SYNGR2: variants seen among roughly 807,000 people sequenced by gnomAD.
The protein encoded by SYNGR2 is synaptogyrin-2.
In SYNGR2, 11 loss-of-function variants were observed where a neutral mutation model predicts 18.7. That is an observed-to-expected ratio of 0.59 (90% confidence interval 0.37 to 0.97). The LOEUF (loss-of-function observed/expected upper bound fraction) is 0.97, where lower values mean the gene tolerates loss of function less well. Among genes scored for constraint, SYNGR2 ranks in the 50% least tolerant of loss-of-function variants. SYNGR2 has a pLI of 0.01. For missense variants in SYNGR2, 253 were observed against 300.7 expected (o/e 0.84, Z 1.17); for synonymous variants, 127 against 131.0 (o/e 0.97, Z 0.21).
rs925127750 is a variant in SYNGR2, at chr17:78,171,270, G to A, written c.337+216G>A. 1.5e-5 allele frequency: 10 copies of A among 661,344 alleles called. No individual in the cohort carries two copies. The highest frequency in any genetic ancestry group is 3.6e-5 in the African/African-American group (2 of 54,970). The allele number at this position is 661,344 out of a possible 1,614,324, so 41.0% of individuals were successfully genotyped here. On this transcript the variant is annotated intron_variant, in intron 2 of 3. Coordinates refer to ENST00000225777, the MANE Select transcript of SYNGR2 (RefSeq NM_004710.7). This position sits in a 1 kb window ranked among gnomAD's most constrained non-coding sequence, Gnocchi z 6.6. ...AGCTGAGTGGACCTGCAGCACACCCGAGCAGATGGGCTTTGCCTCTGCCCC... is the reference window on the plus strand; with the variant it reads ...AGCTGAGTGGACCTGCAGCACACCCAAGCAGATGGGCTTTGCCTCTGCCCC...
In SYNGR2 at chr17:78,172,031, A is replaced by C. The variant is rs554226805; in HGVS notation, c.*95A>C. On this transcript the variant is annotated 3_prime_UTR_variant, in exon 4 of 4. Coordinates refer to ENST00000225777, the MANE Select transcript of SYNGR2 (RefSeq NM_004710.7). ...CTGGAACTGCCAGCCCCTCTCTTTC[A>C]CCTGTTCCATCCTGTGCAGCTGACA... The C allele has an allele frequency of 3.2e-6, 5 of 1,583,628 alleles. No individual in the cohort carries two copies. The African/African-American group carries it at 6.7e-5, about 21-fold the overall frequency.
rs1185023903 is a variant in SYNGR2, at chr17:78,171,196, A to C, written c.337+142A>C. 3 of 852,326 alleles carry C rather than the reference A, an allele frequency of 3.5e-6. No homozygotes were observed. Among genetic ancestry groups the C allele is most frequent in the Admixed American group, 5.2e-5 (2 of 38,784 alleles). 52.8% of individuals were successfully genotyped at this position (852,326 alleles called of 1,614,324 possible). On this transcript the variant is annotated intron_variant, in intron 2 of 3. Transcript: ENST00000225777. The surrounding 1 kb of genome is among the most constrained non-coding windows in gnomAD (Gnocchi z 6.6). ...CATTTTTAGGAAAGGGTTTTCAGCT[A>C]GTGTTTTTCCGTGCTTGAATGGCAC...
chr17:78,171,427 C>T lies in SYNGR2; in HGVS notation c.338-83C>T, dbSNP rs1015084935. On this transcript the variant is annotated intron_variant, in intron 2 of 3. Transcript: ENST00000225777. This position sits in a 1 kb window ranked among gnomAD's most constrained non-coding sequence, Gnocchi z 6.6. ...TGGAGGCTCCCCCGGGAGGTCCCTG[C>T]CCTACCTGCCCGCGTCCCCTCCCAG... The T allele has an allele frequency of 8.1e-6, 12 of 1,484,176 alleles. No homozygotes were observed. In the African/African-American group the frequency reaches 1.7e-4, roughly 21 times the overall value. 91.9% of individuals were successfully genotyped at this position (1,484,176 alleles called of 1,614,324 possible).
rs749028927 is a variant in SYNGR2 at position 78,168,669 on chromosome 17, G to T, written c.53G>T (p.Arg18Leu). The change falls in exon 1 of 4, where the codon CGG (arginine) becomes CTG (leucine). Residue 18 changes from arginine to leucine, a missense_variant. Coordinates refer to ENST00000225777, the MANE Select transcript of SYNGR2 (RefSeq NM_004710.7). ...AAGGCGGGCGGCTCCTTCGACCTGC[G>T]GCGCTTCCTGACGCAGCCGCAGGTG... Reference protein sequence around the residue: ...AAKAGGSFDLRRFLTQPQVVA... With the variant: ...AAKAGGSFDLLRFLTQPQVVA... The T allele has an allele frequency of 2.5e-5, 30 of 1,204,576 alleles. No homozygotes were observed. Among genetic ancestry groups the T allele is most frequent in the Non-Finnish European group, 2.7e-5 (26 of 970,408 alleles). The allele number at this position is 1,204,576 out of a possible 1,614,324, so 74.6% of individuals were successfully genotyped here. A position where few individuals can be genotyped will look rare whatever the true frequency, so the allele number is the denominator to read the frequency against.
chr17:78,168,764 G>C, intron 1 of SYNGR2, 49 bp downstream of exon 1: 3 of 1,181,504 alleles, frequency 2.5e-6, no homozygotes, highest in South Asian at 4.3e-5. Context: ...CCCCCTCTCC[G>C]TCGCCAGGCC....
Position 78,171,925 on chromosome 17 carries a change from C to G in SYNGR2, c.664C>G (p.Pro222Ala), listed in dbSNP as rs1460167154. 6.2e-7 allele frequency: 1 copy of G among 1,613,510 alleles called. No homozygotes were observed. Among genetic ancestry groups the G allele is most frequent in the Non-Finnish European group, 8.5e-7 (1 of 1,180,016 alleles). The part of the protein sequence containing the change: ...AETTEGYQPP[P>A]VY ...GACCACCGAGGGCTACCAGCCGCCC[C>G]CTGTGTACTGAGCGGCGGTTAGCGT... Residue 222 changes from proline (P) to alanine (A), a missense_variant, in exon 4 of 4, where the codon CCT (proline) becomes GCT (alanine). Physicochemically the swap from Pro to Ala is conservative, Grantham distance 27 (BLOSUM62 -1). Transcript: ENST00000225777. This position sits in a 1 kb window ranked among gnomAD's most constrained non-coding sequence, Gnocchi z 6.6.
Position 78,171,379 on chromosome 17 carries a change from T to C in SYNGR2, c.338-131T>C. 1 of 1,206,216 alleles carries C rather than the reference T, an allele frequency of 8.3e-7. No homozygotes were observed. Among genetic ancestry groups the C allele is most frequent in the Non-Finnish European group, 1.1e-6 (1 of 879,040 alleles). The allele number at this position is 1,206,216 out of a possible 1,614,324, so 74.7% of individuals were successfully genotyped here. On this transcript the variant is annotated intron_variant, in intron 2 of 3. Transcript: ENST00000225777. The surrounding 1 kb of genome is among the most constrained non-coding windows in gnomAD (Gnocchi z 6.6). The stretch of plus-strand genomic sequence containing the variant: ...TTTGGAGGTGGCTCCCGGCCCGGCT[T>C]CCAAGTCCTCCCCTCCATAGTGTGG...
chr17:78,168,596 G>C lies in SYNGR2; in HGVS notation c.-21G>C. 5 of 1,183,122 alleles carry C rather than the reference G, an allele frequency of 4.2e-6. No homozygotes were observed. The highest frequency in any genetic ancestry group is 4.2e-5 in the South Asian group (1 of 23,740). The allele number at this position is 1,183,122 out of a possible 1,614,324, so 73.3% of individuals were successfully genotyped here. ...AGGTTCCTCTGCGTTCCGCGGCGGC[G>C]GCAGCGGCGGCGACGGCGACATGGA... On this transcript the variant is annotated 5_prime_UTR_variant, in exon 1 of 4. Transcript: ENST00000225777.
rs1297326125 is a variant in SYNGR2, at chr17:78,171,561, G to A, written c.389G>A (p.Trp130Ter). 6.5e-7 allele frequency: 1 copy of A among 1,538,074 alleles called. No homozygotes were observed. The highest frequency in any genetic ancestry group is 2.0e-5 in the Admixed American group (1 of 49,488). ...GGTTTCTGCTTCCTCACCAACCAGT[G>A]GGCAGTCACCAACCCGAAGGACGTG... ...FVGFCFLTNQWAVTNPKDVLV... is the reference protein window; with the variant it reads ...FVGFCFLTNQ The change falls in exon 3 of 4, where the codon TGG becomes TAG. Residue 130 changes from tryptophan to a stop codon, truncating the protein, a stop_gained. Coordinates refer to ENST00000225777, the MANE Select transcript of SYNGR2 (RefSeq NM_004710.7). LOFTEE classifies it high-confidence loss of function. This position sits in a 1 kb window ranked among gnomAD's most constrained non-coding sequence, Gnocchi z 6.6.
rs1598960343 is a variant in SYNGR2, at chr17:78,171,396, A to G, written c.338-114A>G. 9.0e-6 allele frequency: 12 copies of G among 1,326,330 alleles called. No homozygotes were observed. In the East Asian group the frequency reaches 9.6e-5, roughly 11 times the overall value. 82.2% of individuals were successfully genotyped at this position (1,326,330 alleles called of 1,614,324 possible). On this transcript the variant is annotated intron_variant, in intron 2 of 3. Transcript: ENST00000225777. This position sits in a 1 kb window ranked among gnomAD's most constrained non-coding sequence, Gnocchi z 6.6. ...GCCCGGCTTCCAAGTCCTCCCCTCC[A>G]TAGTGTGGAGGCTCCCCCGGGAGGT...
intron 1 of SYNGR2, chr17:78,169,064 G>C (rs1230787562): frequency 1.2e-5 from 2 of 163,484 alleles, no homozygotes; most frequent in East Asian, 3.5e-4. Context: ...CTCCCAGATT[G>C]GGGAGTTCAC....
Position 78,171,049 on chromosome 17 carries a change from T to G in SYNGR2, c.332T>G (p.Phe111Cys). 13 of 1,612,780 alleles carry G rather than the reference T, an allele frequency of 8.1e-6. No individual in the cohort carries two copies. The highest frequency in any genetic ancestry group is 1.1e-5 in the Non-Finnish European group (13 of 1,179,762). Reference protein sequence around the residue: ...RKYLVIGDLLFSALWTFLWFV... With the variant: ...RKYLVIGDLLCSALWTFLWFV... ...TACCTGGTCATTGGTGACCTGCTCT[T>G]CTCAGGTATCTGCCTGTGGCACCTC... Residue 111 changes from phenylalanine (F) to cysteine (C), a missense_variant, in exon 2 of 4, where the codon TTC (phenylalanine) becomes TGC (cysteine). Coordinates refer to ENST00000225777, the MANE Select transcript of SYNGR2 (RefSeq NM_004710.7). The surrounding 1 kb of genome is among the most constrained non-coding windows in gnomAD (Gnocchi z 6.6).
chr17:78,171,957 G>A lies in SYNGR2; in HGVS notation c.*21G>A. On this transcript the variant is annotated 3_prime_UTR_variant, in exon 4 of 4. Coordinates refer to ENST00000225777, the MANE Select transcript of SYNGR2 (RefSeq NM_004710.7). The surrounding 1 kb of genome is among the most constrained non-coding windows in gnomAD (Gnocchi z 6.6). The stretch of plus-strand genomic sequence containing the variant: ...ACTGAGCGGCGGTTAGCGTGGGAAG[G>A]GGGACAGAGAGGGCCCTCCCCTCTG... 1 of 1,610,780 alleles carries A rather than the reference G, an allele frequency of 6.2e-7. No homozygotes were observed. The highest frequency in any genetic ancestry group is 1.7e-5 in the Admixed American group (1 of 60,012).
Position 78,170,799 on chromosome 17 carries a change from G to T in SYNGR2, c.100-18G>T. ...CTCAGGCGGCCACCAGCCCTACCAG[G>T]TCCTCCCCTCCCGGCAGGTCTTCGC... On this transcript the variant is annotated intron_variant, in intron 1 of 3. Transcript: ENST00000225777. The T allele has an allele frequency of 6.2e-7, 1 of 1,600,808 alleles. No homozygotes were observed. The highest frequency in any genetic ancestry group is 1.1e-5 in the South Asian group (1 of 90,982).
chr17:78,172,190 C>A lies in SYNGR2; in HGVS notation c.*254C>A, dbSNP rs2075665079. On this transcript the variant is annotated 3_prime_UTR_variant, in exon 4 of 4. Coordinates refer to ENST00000225777, the MANE Select transcript of SYNGR2 (RefSeq NM_004710.7). ...AAAGGGTTTTTAGCTAGTGTTTTTC[C>A]TCGCTTTTAATGACCTCAGCCCCGC... is the stretch of plus-strand genomic sequence containing the variant. 2.4e-6 allele frequency: 2 copies of A among 844,072 alleles called. No individual in the cohort carries two copies. The highest frequency in any genetic ancestry group is 3.9e-5 in the South Asian group (2 of 51,658). The allele number at this position is 844,072 out of a possible 1,614,324, so 52.3% of individuals were successfully genotyped here.
rs535896260 is a variant in SYNGR2 at position 78,172,139 on chromosome 17, G to A, written c.*203G>A. ...TGTGCCCAGAGGGCTTCAGTCAGCC[G>A]CTCACTCCTCCAGGGCACTTTTAGG... On this transcript the variant is annotated 3_prime_UTR_variant, in exon 4 of 4. Transcript: ENST00000225777. 1.2e-3 allele frequency: 1,435 copies of A among 1,245,834 alleles called. 4 individuals carry two copies. Among genetic ancestry groups the A allele is most frequent in the Non-Finnish European group, 1.4e-3 (1,336 of 925,698 alleles). 77.2% of individuals were successfully genotyped at this position (1,245,834 alleles called of 1,614,324 possible).
rs1180014919 is a variant in SYNGR2 at position 78,168,649 on chromosome 17, G to A, written c.33G>A (p.Ala11=). The change falls in exon 1 of 4, where the codon GCG becomes GCA. Residue 11 remains alanine, a synonymous_variant. Transcript: ENST00000225777. Reference sequence around the variant, plus strand: ...GCGGGGCCTACGGCGCGGCCAAGGCGGGCGGCTCCTTCGACCTGCGGCGCT... The same window carrying A: ...GCGGGGCCTACGGCGCGGCCAAGGCAGGCGGCTCCTTCGACCTGCGGCGCT... MESGAYGAAK[A]GGSFDLRRFL... 1 of 1,205,326 alleles carries A rather than the reference G, an allele frequency of 8.3e-7. No homozygotes were observed. The highest frequency in any genetic ancestry group is 1.0e-6 in the Non-Finnish European group (1 of 970,996). The allele number at this position is 1,205,326 out of a possible 1,614,324, so 74.7% of individuals were successfully genotyped here.
chr17:78,171,225 C>A lies in SYNGR2; in HGVS notation c.337+171C>A. 1 of 718,176 alleles carries A rather than the reference C, an allele frequency of 1.4e-6. No homozygotes were observed. Among genetic ancestry groups the A allele is most frequent in the Non-Finnish European group, 2.3e-6 (1 of 440,496 alleles). The allele number at this position is 718,176 out of a possible 1,614,324, so 44.5% of individuals were successfully genotyped here. ...TTTTTCCGTGCTTGAATGGCACCAG[C>A]CCTGCCTGGGGTAGCTAGAAGCTGA... On this transcript the variant is annotated intron_variant, in intron 2 of 3. Coordinates refer to ENST00000225777, the MANE Select transcript of SYNGR2 (RefSeq NM_004710.7). This position sits in a 1 kb window ranked among gnomAD's most constrained non-coding sequence, Gnocchi z 6.6.
chr17:78,172,022 C>G lies in SYNGR2; in HGVS notation c.*86C>G. ...ATGAGCCTCCTGGAACTGCCAGCCCCTCTCTTTCACCTGTTCCATCCTGTG... is the reference window on the plus strand; with the variant it reads ...ATGAGCCTCCTGGAACTGCCAGCCCGTCTCTTTCACCTGTTCCATCCTGTG... On this transcript the variant is annotated 3_prime_UTR_variant, in exon 4 of 4. Transcript: ENST00000225777. The G allele has an allele frequency of 6.3e-7, 1 of 1,592,328 alleles. No individual in the cohort carries two copies. The highest frequency in any genetic ancestry group is 8.5e-7 in the Non-Finnish European group (1 of 1,175,106).
Sources: gnomAD v4.1 joint callset for allele counts on GRCh38, gnomAD v4.1.1 for gene constraint, Gnocchi (gnomAD v3.1) non-coding constraint, MANE v1.5 for transcripts, NCBI Gene and HGNC (gene_info 2026-07-23, HGNC 2026-07-21) for gene names.